The following TNRC6B variants were observed in gnomAD, a reference collection of about 807,000 sequenced individuals.
The protein encoded by TNRC6B is trinucleotide repeat containing adaptor 6B, also known as trinucleotide repeat-containing gene 6B protein.
A neutral mutation model predicts 203.6 loss-of-function variants in TNRC6B; 52 were observed. The ratio of observed to expected loss-of-function variants is 0.26; its 90% CI spans 0.20 to 0.32. The LOEUF is 0.32. Ranked by LOEUF, TNRC6B falls within the 10% of genes least tolerant of loss-of-function variation. The pLI is 1.00. For missense variants in TNRC6B, 1,923 were observed against 2,286.2 expected, an observed-to-expected ratio of 0.84 and a Z score of 3.24; for synonymous variants, 838 against 845.7, an observed-to-expected ratio of 0.99 and a Z score of 0.16.
At position 40,169,279 on chromosome 22, in the gene TNRC6B, G is replaced by A. The variant is rs559819221; in HGVS notation, c.113+13097G>A. On this transcript the variant is annotated intron_variant, in intron 4 of 23. Coordinates refer to the TNRC6B transcript ENST00000301923. Reference sequence around the variant, plus strand: ...CCCGAGTAGCTGGGATCACAGGTGCGCACCACCACAACCAACTAATTTTTG... The same window carrying A: ...CCCGAGTAGCTGGGATCACAGGTGCACACCACCACAACCAACTAATTTTTG... 1.7e-4 allele frequency among the ~76,000 whole-genome samples: 26 copies of A among 151,602 alleles called. No individual in the cohort carries two copies. In the East Asian group the frequency reaches 2.7e-3, roughly 16 times the overall value.
intron 3 of TNRC6B, among the ~76,000 whole-genome samples, chr22:40,252,320 C>A (rs1224139755): frequency 1.3e-5 from 2 of 152,206 alleles, no homozygotes; most frequent in South Asian, 4.1e-4. Context: ...TTGAGAATCA[C>A]TGCCTTAGAT....
chr22:40,148,900 A>G (rs954696671), intron 3 of TNRC6B, among the ~76,000 whole-genome samples: 66 of 152,136 alleles, frequency 4.3e-4, no homozygotes, highest in African/African-American at 1.6e-3. Context: ...TCCTTCCCTC[A>G]CAGCTCTCAG....
chr22:40,256,338 T>C (rs2070276827), intron 3 of TNRC6B, among the ~76,000 whole-genome samples: 1 of 152,116 alleles, frequency 6.6e-6, no homozygotes, highest in Non-Finnish European at 1.5e-5. Context: ...TATTGTCACA[T>C]TGATTTTGTT....
At chr22:40,257,415 C>G (rs1214106904) in intron 3 of TNRC6B, among the ~76,000 whole-genome samples, 1 of 152,122 alleles carries the variant, frequency 6.6e-6, no homozygotes, top group Non-Finnish European at 1.5e-5. Context: ...GTAAATGGTT[C>G]TTAAAAGAAA....
intron 11 of TNRC6B, among the ~76,000 whole-genome samples, chr22:40,285,217 G>A (rs958021838): frequency 2.0e-5 from 3 of 152,140 alleles, no homozygotes; most frequent in African/African-American, 4.8e-5. Flanking sequence ...ACATCATAAT[G>A]TTTTATAAAT....
chr22:40,188,459 A>G (rs2069232920), intron 1 of TNRC6B, among the ~76,000 whole-genome samples: 2 of 152,138 alleles, frequency 1.3e-5, no homozygotes, highest in African/African-American at 2.4e-5. Flanking sequence ...CATTTTGGTT[A>G]TTCATTTATG....
rs933711821 is a variant in TNRC6B, at chr22:40,100,317, T to C, written c.-120-16738T>C. Among the ~76,000 whole-genome samples the C allele has an allele frequency of 4.0e-5, 6 of 151,394 alleles. No individual in the cohort carries two copies. In the East Asian group the frequency reaches 7.9e-4, roughly 20 times the overall value. On this transcript the variant is annotated intron_variant, in intron 1 of 23. Coordinates refer to the TNRC6B transcript ENST00000301923. ...GTTGCCTAGGCTGGTCTCGAACTTC[T>C]GGCCTCAAGTGATCCGCCTGCCTTG...
intron 3 of TNRC6B, among the ~76,000 whole-genome samples, chr22:40,153,825 A>G (rs115380794): frequency 0.02 from 3,042 of 151,214 alleles, 90 homozygotes; most frequent in African/African-American, 0.07. Context: ...ATGTTATTTG[A>G]CTTTTTAAAT....
intron 12 of TNRC6B, among the ~76,000 whole-genome samples, chr22:40,297,310 A>T (rs1160887818): frequency 6.6e-6 from 1 of 152,236 alleles, no homozygotes; most frequent in Non-Finnish European, 1.5e-5. Context: ...TGACTAGATT[A>T]TCCTCAGCTC....
chr22:40,075,156 A>ATATATATATT, intron 1 of TNRC6B, among the ~76,000 whole-genome samples: 2 of 35,568 alleles, frequency 5.6e-5, no homozygotes, highest in African/African-American at 1.0e-4. Context: ...ATATATATAT[A>ATATATATATT]TTTTTTTTTT....
intron 1 of TNRC6B, among the ~76,000 whole-genome samples, chr22:40,233,349 C>T (rs769131331): frequency 3.3e-5 from 5 of 149,988 alleles, no homozygotes; most frequent in African/African-American, 9.8e-5. Flanking sequence ...ATCAGCCGGT[C>T]GCGGTGGCTC....
intron 1 of TNRC6B, chr22:40,106,740 A>T: frequency 1.3e-6 from 1 of 770,670 alleles, no homozygotes; most frequent in South Asian, 1.3e-5. Flanking sequence ...AGAAGCTGCA[A>T]CACCTTTCGG....
At chr22:40,068,404 G>A (rs1035244165) in intron 1 of TNRC6B, among the ~76,000 whole-genome samples, 7 of 151,952 alleles carry the variant, frequency 4.6e-5, no homozygotes, top group Non-Finnish European at 8.8e-5. Flanking sequence ...TACAACCTCC[G>A]CCTCCTGGGT....
At chr22:40,072,548 T>C (rs909431368) in intron 1 of TNRC6B, among the ~76,000 whole-genome samples, 2 of 152,162 alleles carry the variant, frequency 1.3e-5, no homozygotes, top group African/African-American at 4.8e-5. Flanking sequence ...CAACAAACTT[T>C]TATTGAGCAC....
At chr22:40,222,806 T>TTG (rs2069732729) in intron 1 of TNRC6B, among the ~76,000 whole-genome samples, 1 of 130,526 alleles carries the variant, frequency 7.7e-6, no homozygotes, top group Non-Finnish European at 1.6e-5. Flanking sequence ...TGCGGTGGCA[T>TTG]ATCAGCTCAC....
chr22:40,301,013 G>A lies in TNRC6B; in HGVS notation c.3936+8G>A, dbSNP rs757116975. 6 of 1,609,450 alleles carry A rather than the reference G, an allele frequency of 3.7e-6. No homozygotes were observed. The Admixed American group carries it at 6.8e-5, about 18-fold the overall frequency. On this transcript the variant is annotated splice_region_variant and intron_variant, in intron 14 of 22. Coordinates refer to ENST00000454349, the MANE Select transcript of TNRC6B (RefSeq NM_001162501.2). ...CAACAGCAAGAGCAGCAGGTACGTG[G>A]GTAGGCAGGGTCCCTCCAGTGCTGT...
intron 14 of TNRC6B, 38 bp from the exon 15 acceptor site, chr22:40,301,112 G>T (rs1198966562): frequency 1.3e-6 from 2 of 1,553,598 alleles, no homozygotes; most frequent in Admixed American, 2.0e-5. Flanking sequence ...GAAGTTCGGG[G>T]CCGTGCTTAT....
At chr22:40,292,552 T>C (rs1480559270) in intron 12 of TNRC6B, among the ~76,000 whole-genome samples, 1 of 152,208 alleles carries the variant, frequency 6.6e-6, no homozygotes, top group Non-Finnish European at 1.5e-5. Flanking sequence ...GCCATATCGA[T>C]TGCAACAAGA....
At chr22:40,068,263 G>A (rs961825641) in intron 1 of TNRC6B, among the ~76,000 whole-genome samples, 3 of 152,104 alleles carry the variant, frequency 2.0e-5, no homozygotes, top group African/African-American at 7.3e-5. Context: ...ATAGTGAATA[G>A]TGAACCTTAT....
Sources: gnomAD v4.1 joint callset for allele counts (sites outside exome capture counted in the v4.1 genomes callset) on GRCh38, gnomAD v4.1.1 for gene constraint, MANE v1.5 for transcripts, NCBI Gene and HGNC (gene_info 2026-07-23, HGNC 2026-07-21) for gene names.